Variants in SNTG1 observed in about 807,000 individuals in gnomAD.
SNTG1 encodes the protein syntrophin gamma 1, also known as gamma-1-syntrophin.
Under a neutral mutation model 74.7 loss-of-function variants are expected in SNTG1, and 39 were observed. The observed-to-expected ratio is 0.52, with a 90% CI of 0.40 to 0.68. The LOEUF (loss-of-function observed/expected upper bound fraction) is 0.68, where lower values mean the gene tolerates loss of function less well. SNTG1 is among the 30% of genes least tolerant of loss of function. The probability of loss-of-function intolerance (pLI) is 0.00; values close to 1 mark genes in which losing one functional copy is unlikely to be tolerated. For missense variants in SNTG1, 685 were observed against 609.5 expected (o/e 1.12, Z -1.30); for synonymous variants, 254 against 217.1 (o/e 1.17, Z -1.49).
At chr8:49,980,274 G>A (rs1005374898) in intron 1 of SNTG1, among the ~76,000 whole-genome samples, 1 of 152,028 alleles carries the variant, frequency 6.6e-6, no homozygotes, top group Non-Finnish European at 1.5e-5. Context: ...CCTGCTTGAC[G>A]TTGTAAAGAA....
chr8:49,944,339 TC>T (rs1486208770), intron 1 of SNTG1, among the ~76,000 whole-genome samples: 1 of 152,124 alleles, frequency 6.6e-6, no homozygotes, highest in Non-Finnish European at 1.5e-5. Context: ...CATCCTTCAT[TC>T]TACAGATCAG....
At chr8:50,146,345 C>T (rs908200063) in intron 1 of SNTG1, among the ~76,000 whole-genome samples, 2 of 151,964 alleles carry the variant, frequency 1.3e-5, no homozygotes, top group Non-Finnish European at 2.9e-5. Flanking sequence ...TGGTGAAACC[C>T]CGTCTGTACT....
intron 2 of SNTG1, among the ~76,000 whole-genome samples, chr8:50,370,323 T>G (rs920598432): frequency 2.0e-5 from 3 of 152,162 alleles, no homozygotes; most frequent in Non-Finnish European, 4.4e-5. Context: ...AAATGCAACT[T>G]GAACTCCCAG....
At chr8:50,679,679 C>T (rs1468758141) in intron 15 of SNTG1, among the ~76,000 whole-genome samples, 8 of 152,030 alleles carry the variant, frequency 5.3e-5, no homozygotes, top group Admixed American at 5.2e-4. Context: ...ATTTATTTTA[C>T]CTTAGTCCAA....
chr8:50,348,235 G>A (rs890486610), intron 2 of SNTG1, among the ~76,000 whole-genome samples: 2 of 152,150 alleles, frequency 1.3e-5, no homozygotes, highest in African/African-American at 2.4e-5. Context: ...ATGCCTTACA[G>A]GTCAGAAATG....
intron 1 of SNTG1, among the ~76,000 whole-genome samples, chr8:49,991,541 C>CTGAT (rs1456493154): frequency 6.6e-6 from 1 of 151,882 alleles, no homozygotes; most frequent in Non-Finnish European, 1.5e-5. Flanking sequence ...TATCCATCAA[C>CTGAT]TGATAAAGAG....
Position 50,530,161 on chromosome 8 carries a change from A to AT in SNTG1, c.467-12dup. The AT allele has an allele frequency of 6.2e-7, 1 of 1,612,468 alleles. No individual in the cohort carries two copies. Among genetic ancestry groups the AT allele is most frequent in the South Asian group, 1.1e-5 (1 of 91,048 alleles). On this transcript the variant is annotated splice_polypyrimidine_tract_variant and intron_variant, in intron 9 of 18. Transcript: ENST00000642720. ...GCATTCTCACCAGTGGAATGTTATG[A>AT]TTTTGTCTCCTGCAGGTGCTCCAAG...
intron 2 of SNTG1, among the ~76,000 whole-genome samples, chr8:50,318,763 T>G (rs574363678): frequency 3.9e-5 from 6 of 152,320 alleles, no homozygotes; most frequent in African/African-American, 1.2e-4. Context: ...ACATTCTATA[T>G]ATGTATATGC....
chr8:50,005,238 T>C (rs557823058), intron 1 of SNTG1, among the ~76,000 whole-genome samples: 4 of 152,134 alleles, frequency 2.6e-5, no homozygotes, highest in African/African-American at 9.6e-5. Flanking sequence ...AAACAGAGCA[T>C]AACAGACATA....
chr8:50,653,014 T>C (rs1190874352), intron 13 of SNTG1, among the ~76,000 whole-genome samples: 1 of 151,974 alleles, frequency 6.6e-6, no homozygotes. Flanking sequence ...TTTGGTATAA[T>C]TTTTTTATTC....
chr8:50,773,124 G>A (rs2095631533), intron 18 of SNTG1, among the ~76,000 whole-genome samples: 1 of 152,030 alleles, frequency 6.6e-6, no homozygotes, highest in South Asian at 2.1e-4. Context: ...GTCATTACTT[G>A]ACCTCACTCA....
chr8:50,199,341 C>T (rs2083899550), intron 2 of SNTG1, among the ~76,000 whole-genome samples: 1 of 151,782 alleles, frequency 6.6e-6, no homozygotes, highest in Non-Finnish European at 1.5e-5. Context: ...CCTCAGCCCC[C>T]CAAGTAGCTG....
chr8:50,728,335 T>C (rs2095505066), intron 17 of SNTG1, among the ~76,000 whole-genome samples: 2 of 152,186 alleles, frequency 1.3e-5, no homozygotes, highest in South Asian at 4.1e-4. Context: ...GTCTTGATGA[T>C]GCTCCAGCAC....
At chr8:49,994,089 T>C (rs543401661) in intron 1 of SNTG1, among the ~76,000 whole-genome samples, 3 of 152,194 alleles carry the variant, frequency 2.0e-5, no homozygotes, top group African/African-American at 7.2e-5. Flanking sequence ...TAAATTGTGA[T>C]GGGTGTATAT....
intron 1 of SNTG1, among the ~76,000 whole-genome samples, chr8:50,027,860 T>A (rs1460599361): frequency 6.6e-6 from 1 of 152,314 alleles, no homozygotes; most frequent in Middle Eastern, 3.4e-3. Context: ...ATTCATCCCA[T>A]CCCTTAAATG....
intron 2 of SNTG1, among the ~76,000 whole-genome samples, chr8:50,282,250 T>C (rs1045024188): frequency 1.3e-5 from 2 of 152,112 alleles, no homozygotes; most frequent in African/African-American, 4.8e-5. Context: ...ACAGAAAATT[T>C]CTGAGCCTGT....
intron 1 of SNTG1, among the ~76,000 whole-genome samples, chr8:50,014,217 C>A (rs1478028536): frequency 6.6e-6 from 1 of 152,076 alleles, no homozygotes; most frequent in African/African-American, 2.4e-5. Flanking sequence ...AATACTATCC[C>A]CAGAGCACAG....
At chr8:50,335,663 T>C (rs922342354) in intron 2 of SNTG1, among the ~76,000 whole-genome samples, 3 of 152,076 alleles carry the variant, frequency 2.0e-5, no homozygotes. Flanking sequence ...GAGTTCCTAC[T>C]TTTAAGGGCT....
intron 15 of SNTG1, among the ~76,000 whole-genome samples, chr8:50,701,502 G>A (rs1461414645): frequency 1.3e-5 from 2 of 152,024 alleles, no homozygotes; most frequent in South Asian, 2.1e-4. Context: ...TATTCTACTC[G>A]TTTTCAGCCA....
Sources: gnomAD v4.1 joint callset for allele counts (sites outside exome capture counted in the v4.1 genomes callset) on GRCh38, gnomAD v4.1.1 for gene constraint, MANE v1.5 for transcripts, NCBI Gene and HGNC (gene_info 2026-07-23, HGNC 2026-07-21) for gene names.